PSMG1: variants seen among roughly 807,000 people sequenced by gnomAD.
The protein encoded by PSMG1 is Down syndrome critical region gene 2.
In PSMG1, 23 loss-of-function variants were observed where a neutral mutation model predicts 37.2. That is an observed-to-expected ratio of 0.62 (90% CI 0.44 to 0.88). The LOEUF (loss-of-function observed/expected upper bound fraction) is 0.88. Ranked by LOEUF, PSMG1 falls within the 40% of genes least tolerant of loss-of-function variation. The pLI is 0.00. For synonymous variants in PSMG1, 127 were observed against 128.0 expected (o/e 0.99, Z 0.05); for missense variants, 340 against 344.2 (o/e 0.99, Z 0.10).
intron 1 of PSMG1, among the ~76,000 whole-genome samples, 154 bp from the exon 2 acceptor site, chr21:39,182,032 T>C (rs1341911079): frequency 6.6e-6 from 1 of 152,178 alleles, no homozygotes; most frequent in Non-Finnish European, 1.5e-5. Flanking sequence ...ACTCGGACAA[T>C]GATAACCAAC....
At chr21:39,177,680 C>T (rs111643996) in intron 5 of PSMG1, 109 bp from the exon 6 acceptor site, 4 of 841,526 alleles carry the variant, frequency 4.8e-6, no homozygotes, top group African/African-American at 3.5e-5. Flanking sequence ...ATCTCAGCTG[C>T]CTCTTTCAAT....
At chr21:39,178,406 A>G (rs776687510) in intron 5 of PSMG1, 43 bp downstream of exon 5, 66 of 1,540,262 alleles carry the variant, frequency 4.3e-5, no homozygotes, top group Admixed American at 1.2e-4. Context: ...AGTATCAATA[A>G]AGCAATAAGA....
rs9305669 is a variant in PSMG1, at chr21:39,175,403, T to C, written c.*187A>G. 728,789 of 836,002 alleles carry C rather than the reference T, an allele frequency of 0.87. 317,809 individuals carry two copies. Among genetic ancestry groups the C allele is most frequent in the African/African-American group, 0.92 (51,162 of 55,872 alleles). 51.8% of individuals were successfully genotyped at this position (836,002 alleles called of 1,614,324 possible). ...CACCTAGTGGATAAAAGGAAAATGC[T>C]TGGCTTATTTTGGTTGTGAATAATA... On this transcript the variant is annotated 3_prime_UTR_variant, in exon 7 of 7. Coordinates refer to ENST00000331573, the MANE Select transcript of PSMG1 (RefSeq NM_003720.4).
At position 39,181,798 on chromosome 21, in the gene PSMG1, A is replaced by T; in HGVS notation, c.215T>A (p.Ile72Lys). Reference sequence around the variant, plus strand: ...TACTGCATTATTTCCTATAGCAATTATAAACTTGGAGCACGGATATTTTTC... The same window carrying T: ...TACTGCATTATTTCCTATAGCAATTTTAAACTTGGAGCACGGATATTTTTC... The part of the protein sequence containing the change: ...LLEKYPCSKF[I>K]IAIGNNAVAF... Residue 72 changes from isoleucine to lysine, a missense_variant, in exon 2 of 7, where the codon ATA (isoleucine) becomes AAA (lysine). Coordinates refer to ENST00000331573, the MANE Select transcript of PSMG1 (RefSeq NM_003720.4). The T allele has an allele frequency of 6.3e-7, 1 of 1,585,934 alleles. No homozygotes were observed. The highest frequency in any genetic ancestry group is 8.5e-7 in the Non-Finnish European group (1 of 1,171,074).
In PSMG1 at chr21:39,175,486, A is replaced by G. The variant is rs546179747; in HGVS notation, c.*104T>C. 264 of 1,393,512 alleles carry G rather than the reference A, an allele frequency of 1.9e-4. No individual in the cohort carries two copies. Among genetic ancestry groups the G allele is most frequent in the Non-Finnish European group, 2.7e-5 (29 of 1,067,408 alleles). The allele number at this position is 1,393,512 out of a possible 1,614,324, so 86.3% of individuals were successfully genotyped here. ...ATTTTTTACAATTTTATTCCGTTTC[A>G]TCATTCTCAAAATATATCCCCCAAA... On this transcript the variant is annotated 3_prime_UTR_variant, in exon 7 of 7. Coordinates refer to ENST00000331573, the MANE Select transcript of PSMG1 (RefSeq NM_003720.4).
rs1352941557 is a variant in PSMG1 at position 39,178,610 on chromosome 21, G to A, written c.494C>T (p.Thr165Ile). ...GGTAACATGTCGACATGTGAGAATA[G>A]TTATCTGCATGTTCTTCCTTGGACA... ...GSCPRKNMQI[T>I]ILTCRHVTDY... The change falls in exon 5 of 7, where the codon ACT (threonine) becomes ATT (isoleucine). Residue 165 changes from threonine (T) to isoleucine (I), a missense_variant. By Grantham distance (89) the Thr-to-Ile change is moderately conservative. Transcript: ENST00000331573. 3.1e-6 allele frequency: 5 copies of A among 1,614,086 alleles called. No individual in the cohort carries two copies. The highest frequency in any genetic ancestry group is 4.2e-6 in the Non-Finnish European group (5 of 1,179,998).
At position 39,183,343 on chromosome 21, in the gene PSMG1, G is replaced by T; in HGVS notation, c.43C>A (p.Arg15=). ...TCCTCTTCGTCCTCAGTCCCAGCTC[G>T]GCACGGCGCCTTCACCACCTCTCCG... The part of the protein sequence containing the change: ...FFGEVVKAPC[R]AGTEDEEEEE... Residue 15 remains arginine, a synonymous_variant, in exon 1 of 7, where the codon CGA becomes AGA. Transcript: ENST00000331573. 2 of 1,573,644 alleles carry T rather than the reference G, an allele frequency of 1.3e-6. No individual in the cohort carries two copies. The highest frequency in any genetic ancestry group is 2.3e-5 in the South Asian group (2 of 85,966).
At chr21:39,177,296 G>GC in intron 6 of PSMG1, 139 bp downstream of exon 6, 1 of 779,950 alleles carries the variant, frequency 1.3e-6, no homozygotes. Flanking sequence ...AATTCAAACT[G>GC]CCAGACTAGA....
chr21:39,178,561 G>A lies in PSMG1; in HGVS notation c.543C>T (p.Thr181=), dbSNP rs760181849. The A allele has an allele frequency of 6.0e-5, 97 of 1,614,012 alleles. 2 individuals carry two copies. The South Asian group carries it at 7.2e-4, about 12-fold the overall frequency. ...HVTDYKTSES[T]GSLPSPFLRA... ...TCAGGAAAGGAGAAGGAAGGCTGCC[G>A]GTGGATTCTGAGGTTTTATAATCGG... Residue 181 remains threonine, a synonymous_variant, in exon 5 of 7, where the codon ACC becomes ACT. Coordinates refer to ENST00000331573, the MANE Select transcript of PSMG1 (RefSeq NM_003720.4).
Position 39,183,438 on chromosome 21 carries a change from G to C in PSMG1, c.-53C>G, listed in dbSNP as rs1029760324. On this transcript the variant is annotated 5_prime_UTR_variant, in exon 1 of 7. Coordinates refer to ENST00000331573, the MANE Select transcript of PSMG1 (RefSeq NM_003720.4). Reference sequence around the variant, plus strand: ...CTGCAGCGCCGCGGGACCGCACGCCGGCTTGCGCGAGACCACGCTCCCTCA... The same window carrying C: ...CTGCAGCGCCGCGGGACCGCACGCCCGCTTGCGCGAGACCACGCTCCCTCA... 6.6e-7 allele frequency: 1 copy of C among 1,519,250 alleles called. No individual in the cohort carries two copies. Among genetic ancestry groups the C allele is most frequent in the Non-Finnish European group, 8.8e-7 (1 of 1,137,614 alleles). The allele number at this position is 1,519,250 out of a possible 1,614,324, so 94.1% of individuals were successfully genotyped here.
chr21:39,180,300 T>C lies in PSMG1; in HGVS notation c.378A>G (p.Leu126=), dbSNP rs772692772. Residue 126 remains leucine, a synonymous_variant, in exon 3 of 7, where the codon CTA becomes CTG. Transcript: ENST00000331573. ...STEAFCVFYH[L]KSNPSVFLCQ... ...TCCCACCTACCGAGGGATTGGATTT[T>C]AGATGATAAAACACACAAAAAGCCT... 5 of 1,603,488 alleles carry C rather than the reference T, an allele frequency of 3.1e-6. No homozygotes were observed. Among genetic ancestry groups the C allele is most frequent in the Admixed American group, 3.5e-5 (2 of 57,660 alleles).
rs778299511 is a variant in PSMG1, at chr21:39,181,854, T to C, written c.159A>G (p.Gln53=). The C allele has an allele frequency of 9.4e-6, 15 of 1,593,918 alleles. No individual in the cohort carries two copies. Among genetic ancestry groups the C allele is most frequent in the East Asian group, 2.3e-5 (1 of 43,856 alleles). Reference sequence around the variant, plus strand: ...AAGAAACTTCCAAAGATGTTTTTGTTTGTCTTCGAAGGAGCCGCACTTCCC... The same window carrying C: ...AAGAAACTTCCAAAGATGTTTTTGTCTGTCTTCGAAGGAGCCGCACTTCCC... ...RKREVRLLRR[Q]TKTSLEVSLL... Residue 53 remains glutamine (Q), a synonymous_variant, in exon 2 of 7, where the codon CAA becomes CAG. Transcript: ENST00000331573.
At chr21:39,181,931 T>G (rs532019738) in intron 1 of PSMG1, 53 bp from the exon 2 acceptor site, 68 of 1,210,764 alleles carry the variant, frequency 5.6e-5, no homozygotes, top group Non-Finnish European at 7.7e-5. Flanking sequence ...AACAGTATCA[T>G]GGCAAAAGGG....
At chr21:39,182,336 A>C (rs1194561898) in intron 1 of PSMG1, among the ~76,000 whole-genome samples, 1 of 152,226 alleles carries the variant, frequency 6.6e-6, no homozygotes, top group Non-Finnish European at 1.5e-5. Context: ...GCACTGGACA[A>C]GACAATCAGT....
chr21:39,176,799 C>T (rs1190498830), intron 6 of PSMG1, among the ~76,000 whole-genome samples: 1 of 152,134 alleles, frequency 6.6e-6, no homozygotes, highest in Non-Finnish European at 1.5e-5. Flanking sequence ...AGAATAAAAC[C>T]GGGCTGAGGG....
chr21:39,183,406 G>C lies in PSMG1; in HGVS notation c.-21C>G. On this transcript the variant is annotated 5_prime_UTR_variant, in exon 1 of 7. Transcript: ENST00000331573. ...GCCATAGCCGCCCCGTGACCGGCTG[G>C]ACACAACTGCAGCGCCGCGGGACCG... 1 of 1,571,620 alleles carries C rather than the reference G, an allele frequency of 6.4e-7. No homozygotes were observed.
chr21:39,175,684 T>G lies in PSMG1; in HGVS notation c.793-20A>C, dbSNP rs763934468. On this transcript the variant is annotated intron_variant, in intron 6 of 6. Coordinates refer to ENST00000331573, the MANE Select transcript of PSMG1 (RefSeq NM_003720.4). ...AATATTCTGAAAGGAGAGAAAAAAGTGAATACAGTGAGACCCCAGGGATTC... is the reference window on the plus strand; with the variant it reads ...AATATTCTGAAAGGAGAGAAAAAAGGGAATACAGTGAGACCCCAGGGATTC... 5 of 1,472,366 alleles carry G rather than the reference T, an allele frequency of 3.4e-6. No homozygotes were observed. The highest frequency in any genetic ancestry group is 4.8e-6 in the Non-Finnish European group (5 of 1,052,032). The allele number at this position is 1,472,366 out of a possible 1,614,324, so 91.2% of individuals were successfully genotyped here. A position where few individuals can be genotyped will look rare whatever the true frequency, so the allele number is the denominator to read the frequency against.
Position 39,183,391 on chromosome 21 carries a change from C to A in PSMG1, c.-6G>T. On this transcript the variant is annotated 5_prime_UTR_variant, in exon 1 of 7. Coordinates refer to ENST00000331573, the MANE Select transcript of PSMG1 (RefSeq NM_003720.4). ...CCGAAGAACGTGGCCGCCATAGCCGCCCCGTGACCGGCTGGACACAACTGC... is the reference window on the plus strand; with the variant it reads ...CCGAAGAACGTGGCCGCCATAGCCGACCCGTGACCGGCTGGACACAACTGC... The A allele has an allele frequency of 1.3e-6, 2 of 1,576,548 alleles. No homozygotes were observed. Among genetic ancestry groups the A allele is most frequent in the Non-Finnish European group, 8.6e-7 (1 of 1,165,976 alleles).
intron 1 of PSMG1, 183 bp downstream of exon 1, chr21:39,183,069 G>A (rs2030922178): frequency 1.4e-6 from 1 of 727,330 alleles, no homozygotes; most frequent in African/African-American, 1.9e-5. Flanking sequence ...CACACCTGGG[G>A]CTGGCGCCGC....
Sources: allele counts gnomAD v4.1 joint callset (sites outside exome capture counted in the v4.1 genomes callset), GRCh38; gene constraint gnomAD v4.1.1; transcripts MANE v1.5; gene names NCBI Gene and HGNC (gene_info 2026-07-23, HGNC 2026-07-21).